The following PKN2 variants were observed in gnomAD, a reference collection of about 807,000 sequenced individuals.
PKN2 encodes serine/threonine-protein kinase N2.
Under a neutral mutation model 119.1 loss-of-function variants are expected in PKN2, and 38 were observed. That is an observed-to-expected ratio of 0.32 (90% CI 0.25 to 0.42). PKN2 has a LOEUF of 0.42. Ranked by LOEUF, PKN2 falls within the 10% of genes least tolerant of loss-of-function variation. The probability of loss-of-function intolerance (pLI) is 1.00; values close to 1 mark genes in which losing one functional copy is unlikely to be tolerated. For missense variants in PKN2, 850 were observed against 1,165.1 expected, an observed-to-expected ratio of 0.73 and a Z score of 3.94; for synonymous variants, 390 against 384.9, an observed-to-expected ratio of 1.01 and a Z score of -0.15.
chr1:88,740,716 A>T (rs188191036), intron 1 of PKN2, among the ~76,000 whole-genome samples: 2 of 152,232 alleles, frequency 1.3e-5, no homozygotes, highest in African/African-American at 4.8e-5. Context: ...ATCTTTACAC[A>T]GCCTTTGTGT....
chr1:88,781,006 A>G (rs1207074105), intron 6 of PKN2: 3 of 839,364 alleles, frequency 3.6e-6, no homozygotes, highest in African/African-American at 1.9e-5. Context: ...TAAGTCACCA[A>G]CCTAAAAAGA....
intron 16 of PKN2, chr1:88,815,306 C>G: frequency 5.4e-6 from 1 of 184,056 alleles, no homozygotes; most frequent in Non-Finnish European, 1.2e-5. Context: ...AACTCCAAAT[C>G]TGAAAGTACC....
intron 1 of PKN2, among the ~76,000 whole-genome samples, chr1:88,729,168 A>G (rs1265320878): frequency 6.6e-6 from 1 of 152,204 alleles, no homozygotes; most frequent in Non-Finnish European, 1.5e-5. Flanking sequence ...TGTTGGGATT[A>G]CAGGCATGAG....
At chr1:88,818,611 G>A (rs139833027) in intron 16 of PKN2, among the ~76,000 whole-genome samples, 2,901 of 148,956 alleles carry the variant, frequency 0.019, 93 homozygotes, top group African/African-American at 0.067. Flanking sequence ...CTGTGCCACT[G>A]CACTCCAGCC....
chr1:88,824,376 T>A lies in PKN2; in HGVS notation c.2409T>A (p.Leu803=). 1 of 1,577,534 alleles carries A rather than the reference T, an allele frequency of 6.3e-7. No individual in the cohort carries two copies. The highest frequency in any genetic ancestry group is 8.7e-7 in the Non-Finnish European group (1 of 1,147,282). ...TTGTGAAAATTGCTGATTTTGGTCT[T>A]TGCAAAGAAGGTAATCGAATGTTTT... ...EGFVKIADFG[L]CKEGMGYGDR... Residue 803 remains leucine (L), a synonymous_variant, in exon 18 of 22, where the codon CTT becomes CTA. Coordinates refer to ENST00000370521, the MANE Select transcript of PKN2 (RefSeq NM_006256.4).
At position 88,801,623 on chromosome 1, in the gene PKN2, G is replaced by A. The variant is rs1017302281; in HGVS notation, c.1282-2768G>A. Reference sequence around the variant, plus strand: ...CCACTTATGTTGTGAAGAAAGTAACGCTCACTGGGAACAGTGCAAAGTAAC... The same window carrying A: ...CCACTTATGTTGTGAAGAAAGTAACACTCACTGGGAACAGTGCAAAGTAAC... On this transcript the variant is annotated intron_variant, in intron 8 of 21. Transcript: ENST00000370521. Among the ~76,000 whole-genome samples, 8 of 152,108 alleles carry A rather than the reference G, an allele frequency of 5.3e-5. No individual in the cohort carries two copies. In the East Asian group the frequency reaches 5.8e-4, roughly 11 times the overall value.
intron 8 of PKN2, among the ~76,000 whole-genome samples, chr1:88,789,667 T>TAATAAG (rs1553155755): frequency 1.3e-5 from 2 of 149,248 alleles, no homozygotes; most frequent in South Asian, 2.1e-4. Context: ...TATCTCATAA[T>TAATAAG]AATAATAATA....
intron 8 of PKN2, among the ~76,000 whole-genome samples, chr1:88,803,906 T>C (rs1393053347): frequency 1.3e-5 from 2 of 152,336 alleles, no homozygotes; most frequent in Non-Finnish European, 2.9e-5. Context: ...ATTAGCACAA[T>C]ATGTGGCACA....
At chr1:88,824,008 CAAAAAAA>C (rs3061489) in intron 17 of PKN2, among the ~76,000 whole-genome samples, 1 of 117,040 alleles carries the variant, frequency 8.5e-6, no homozygotes, top group East Asian at 2.5e-4. Context: ...GACTCTGTCT[CAAAAAAA>C]AAAAAAAAAA....
At chr1:88,729,072 T>A (rs1228145524) in intron 1 of PKN2, among the ~76,000 whole-genome samples, 1 of 152,046 alleles carries the variant, frequency 6.6e-6, no homozygotes, top group Non-Finnish European at 1.5e-5. Flanking sequence ...TTTTGTATTT[T>A]TAGTAGAGAT....
intron 1 of PKN2, among the ~76,000 whole-genome samples, chr1:88,726,590 G>A (rs886966907): frequency 6.6e-6 from 1 of 151,956 alleles, no homozygotes; most frequent in East Asian, 1.9e-4. Flanking sequence ...ATTTTGTTGA[G>A]GATTATTACA....
At chr1:88,805,789 G>A (rs760514610) in intron 11 of PKN2, 102 bp from the exon 12 acceptor site, 6 of 1,604,198 alleles carry the variant, frequency 3.7e-6, no homozygotes, top group Non-Finnish European at 5.1e-6. Context: ...TGAAAGTAGT[G>A]TTCTGTTTAC....
At chr1:88,798,645 A>C (rs150851977) in intron 8 of PKN2, among the ~76,000 whole-genome samples, 4 of 152,314 alleles carry the variant, frequency 2.6e-5, no homozygotes. Flanking sequence ...TTAAGAGATG[A>C]AAAATATGAA....
intron 8 of PKN2, among the ~76,000 whole-genome samples, chr1:88,788,126 C>T (rs7522512): frequency 0.072 from 10,933 of 152,068 alleles, 840 homozygotes; most frequent in African/African-American, 0.19. Flanking sequence ...GGAACTAAGT[C>T]GTCTGTACTG....
intron 2 of PKN2, among the ~76,000 whole-genome samples, chr1:88,749,391 G>A (rs552181769): frequency 1.4e-4 from 19 of 136,476 alleles, no homozygotes; most frequent in African/African-American, 4.7e-4. Flanking sequence ...GCGACAGTGC[G>A]AGACTCCGTC....
intron 1 of PKN2, among the ~76,000 whole-genome samples, chr1:88,738,263 AAG>A (rs1491065830): frequency 2.0e-5 from 3 of 152,220 alleles, no homozygotes; most frequent in Non-Finnish European, 4.4e-5. Context: ...AGATAAAAAA[AAG>A]GGGTAATTGT....
chr1:88,791,329 T>C (rs13374748), intron 8 of PKN2, among the ~76,000 whole-genome samples: 16,912 of 151,458 alleles, frequency 0.11, 1,956 homozygotes, highest in African/African-American at 0.3. Context: ...CCAGCTAACC[T>C]AGGAGGCTGA....
At chr1:88,697,902 T>G (rs922598892) in intron 1 of PKN2, among the ~76,000 whole-genome samples, 4 of 152,248 alleles carry the variant, frequency 2.6e-5, no homozygotes, top group African/African-American at 4.8e-5. Flanking sequence ...TAAGAATATT[T>G]TCTATCTCAT....
At chr1:88,808,954 A>G (rs1479189655) in intron 15 of PKN2, among the ~76,000 whole-genome samples, 1 of 152,150 alleles carries the variant, frequency 6.6e-6, no homozygotes, top group Non-Finnish European at 1.5e-5. Context: ...ATTTAAAAAT[A>G]TATTTGTTTT....
Sources: gnomAD v4.1 joint callset for allele counts (sites outside exome capture counted in the v4.1 genomes callset) on GRCh38, gnomAD v4.1.1 for gene constraint, MANE v1.5 for transcripts, NCBI Gene and HGNC (gene_info 2026-07-23, HGNC 2026-07-21) for gene names.